CALN1: variants seen among roughly 807,000 people sequenced by gnomAD.
CALN1 encodes calneuron 1.
Under a neutral mutation model 30.6 loss-of-function variants are expected in CALN1, and 17 were observed. The ratio of observed to expected loss-of-function variants is 0.56; its 90% confidence interval spans 0.38 to 0.83. The LOEUF (loss-of-function observed/expected upper bound fraction) is 0.83. CALN1 is among the 40% of genes least tolerant of loss of function. The pLI is 0.00. For synonymous variants in CALN1, 156 were observed against 131.4 expected, an observed-to-expected ratio of 1.19 and a Z score of -1.28; for missense variants, 291 against 354.9, an observed-to-expected ratio of 0.82 and a Z score of 1.45.
intron 4 of CALN1, among the ~76,000 whole-genome samples, chr7:72,090,886 T>C (rs916906898): frequency 6.6e-6 from 1 of 151,958 alleles, no homozygotes; most frequent in African/African-American, 2.4e-5. Flanking sequence ...ATTGAACTCG[T>C]GGAGAAAGAG....
intron 3 of CALN1, among the ~76,000 whole-genome samples, chr7:72,186,520 C>T (rs1790200815): frequency 6.6e-6 from 1 of 152,160 alleles, no homozygotes; most frequent in African/African-American, 2.4e-5. Flanking sequence ...GAACCCCTTA[C>T]ACAAGCAGTG....
intron 2 of CALN1, among the ~76,000 whole-genome samples, chr7:72,344,600 TA>T (rs1459705462): frequency 6.8e-6 from 1 of 146,912 alleles, no homozygotes; most frequent in Non-Finnish European, 1.5e-5. Context: ...TGTAAATATA[TA>T]TTTATGTATT....
At chr7:72,329,153 C>A (rs994928509) in intron 2 of CALN1, among the ~76,000 whole-genome samples, 1 of 152,206 alleles carries the variant, frequency 6.6e-6, no homozygotes, top group African/African-American at 2.4e-5. Flanking sequence ...CGTTTTTAAA[C>A]AAAACTGAAA....
intron 5 of CALN1, among the ~76,000 whole-genome samples, chr7:71,845,172 C>A (rs1790158287): frequency 6.6e-6 from 1 of 152,218 alleles, no homozygotes; most frequent in Non-Finnish European, 1.5e-5. Context: ...GTGTGAGCCA[C>A]TGCACCTGGC....
chr7:71,800,851 G>A (rs1204646321), intron 6 of CALN1, among the ~76,000 whole-genome samples: 1 of 152,256 alleles, frequency 6.6e-6, no homozygotes, highest in African/African-American at 2.4e-5. Flanking sequence ...TGTGCAGAAT[G>A]TGCAGGTTTG....
intron 6 of CALN1, among the ~76,000 whole-genome samples, chr7:71,803,075 A>G (rs959075506): frequency 1.3e-5 from 2 of 152,150 alleles, no homozygotes; most frequent in African/African-American, 4.8e-5. Flanking sequence ...TTTTATCATA[A>G]TTACGGGATT....
At chr7:72,289,690 CAAAT>C (rs1318374534) in intron 2 of CALN1, among the ~76,000 whole-genome samples, 1 of 152,098 alleles carries the variant, frequency 6.6e-6, no homozygotes, top group Non-Finnish European at 1.5e-5. Flanking sequence ...CACAAAATCA[CAAAT>C]AATAGTAAAA....
chr7:72,391,291 T>C, intron 2 of CALN1, among the ~76,000 whole-genome samples: 1 of 152,090 alleles, frequency 6.6e-6, no homozygotes, highest in Admixed American at 6.5e-5. Context: ...TTAGGAAAAA[T>C]GTTAAGAGAT....
chr7:72,275,389 A>C (rs1797267593), intron 3 of CALN1, among the ~76,000 whole-genome samples: 1 of 152,134 alleles, frequency 6.6e-6, no homozygotes, highest in Admixed American at 6.5e-5. Context: ...TAGTCATCTG[A>C]ATTGATTCAA....
intron 2 of CALN1, among the ~76,000 whole-genome samples, chr7:72,326,464 T>C (rs528195344): frequency 1.3e-5 from 2 of 152,342 alleles, no homozygotes; most frequent in East Asian, 3.9e-4. Context: ...TGAGATGGAA[T>C]ATGTGTTTAT....
At chr7:72,142,624 G>T (rs929518988) in intron 3 of CALN1, among the ~76,000 whole-genome samples, 1 of 152,200 alleles carries the variant, frequency 6.6e-6, no homozygotes, top group Non-Finnish European at 1.5e-5. Context: ...TTGGAAGAGA[G>T]TAGTGGTTCT....
At chr7:72,037,757 C>A (rs985459817) in intron 4 of CALN1, among the ~76,000 whole-genome samples, 2 of 151,848 alleles carry the variant, frequency 1.3e-5, no homozygotes, top group Non-Finnish European at 2.9e-5. Flanking sequence ...GTCTTTACCA[C>A]CCAAGCCTGA....
chr7:72,006,307 T>C (rs1799768444), intron 5 of CALN1, among the ~76,000 whole-genome samples: 1 of 152,134 alleles, frequency 6.6e-6, no homozygotes, highest in Non-Finnish European at 1.5e-5. Flanking sequence ...AGAAAATCAG[T>C]AAAAGGCTTC....
At chr7:71,974,971 G>A (rs557130062) in intron 5 of CALN1, among the ~76,000 whole-genome samples, 1 of 152,302 alleles carries the variant, frequency 6.6e-6, no homozygotes, top group South Asian at 2.1e-4. Flanking sequence ...TCTGTCTGGG[G>A]AAAGAAGGTC....
intron 3 of CALN1, among the ~76,000 whole-genome samples, chr7:72,268,793 CCACACACACACACACACACA>C (rs3032247): frequency 6.9e-6 from 1 of 145,834 alleles, no homozygotes; most frequent in African/African-American, 2.6e-5. Flanking sequence ...CAAGACCCTG[CCACACACACACACACACACA>C]CACACACACA....
At chr7:72,329,926 C>T (rs1801547147) in intron 2 of CALN1, among the ~76,000 whole-genome samples, 1 of 152,030 alleles carries the variant, frequency 6.6e-6, no homozygotes, top group African/African-American at 2.4e-5. Flanking sequence ...TGCATTCCAG[C>T]CTGGGCAACA....
rs768194828 is a variant in CALN1 at position 71,783,235 on chromosome 7, T to C, written c.*4540A>G. 2.6e-5 allele frequency: 4 copies of C among 152,046 alleles called. No individual in the cohort carries two copies. The highest frequency in any genetic ancestry group is 4.8e-5 in the African/African-American group (2 of 41,402). 9.4% of individuals were successfully genotyped at this position (152,046 alleles called of 1,614,324 possible). A position where few individuals can be genotyped will look rare whatever the true frequency, so the allele number is the denominator to read the frequency against. ...TTTTAAGACAGATGTTCTTCAGGGGTTGCAGCTCTGCAGACCTCCTGGTTA... is the reference window on the plus strand; with the variant it reads ...TTTTAAGACAGATGTTCTTCAGGGGCTGCAGCTCTGCAGACCTCCTGGTTA... On this transcript the variant is annotated 3_prime_UTR_variant, in exon 7 of 7. Transcript: ENST00000395275.
the CALN1 span, among the ~76,000 whole-genome samples, chr7:72,503,118 CCTG>C: frequency 6.6e-6 from 1 of 151,956 alleles, no homozygotes; most frequent in South Asian, 2.1e-4. Flanking sequence ...TGCACTCCAG[CCTG>C]GGCGACAGAG....
upstream of CALN1, among the ~76,000 whole-genome samples, chr7:72,413,550 C>A (rs924442309): frequency 6.6e-6 from 1 of 151,394 alleles, no homozygotes; most frequent in Non-Finnish European, 1.5e-5. Flanking sequence ...CAAGCTCATA[C>A]ATGCATGCAC....
Sources: gnomAD v4.1 joint callset for allele counts (sites outside exome capture counted in the v4.1 genomes callset) on GRCh38, gnomAD v4.1.1 for gene constraint, MANE v1.5 for transcripts, NCBI Gene and HGNC (gene_info 2026-07-23, HGNC 2026-07-21) for gene names.